The following PCDHGA8 variants were observed in gnomAD, a reference collection of about 807,000 sequenced individuals.
PCDHGA8 encodes protocadherin gamma subfamily A, 8.
In PCDHGA8, 45 loss-of-function variants were observed where a neutral mutation model predicts 59.2. That is an observed-to-expected ratio of 0.76 (90% confidence interval 0.60 to 0.98). The LOEUF (loss-of-function observed/expected upper bound fraction) is 0.98. Among genes scored for constraint, PCDHGA8 ranks in the 50% least tolerant of loss-of-function variants. The pLI, the probability that PCDHGA8 is intolerant of heterozygous loss-of-function variation, is 0.00. For missense variants in PCDHGA8, 1,257 were observed against 1,196.2 expected (o/e 1.05, Z -0.75); for synonymous variants, 531 against 519.0 (o/e 1.02, Z -0.32).
chr5:141,499,322 T>C (rs1186220818), intron 2 of PCDHGA8, among the ~76,000 whole-genome samples: 1 of 152,218 alleles, frequency 6.6e-6, no homozygotes, highest in Non-Finnish European at 1.5e-5. Context: ...ACAGTATCCC[T>C]GCTCTCTCTC....
chr5:141,403,377 T>G lies in PCDHGA8; in HGVS notation c.2424+8140T>G. 6.2e-7 allele frequency: 1 copy of G among 1,614,016 alleles called. No homozygotes were observed. The highest frequency in any genetic ancestry group is 8.5e-7 in the Non-Finnish European group (1 of 1,179,900). On this transcript the variant is annotated intron_variant, in intron 1 of 3. Transcript: ENST00000398604. ...CAGGCCGAAAGTCTGGAAGTAAAAA[T>G]TAACGAAATCGCGGTTCCTGGAGCA... is the stretch of plus-strand genomic sequence containing the variant.
At chr5:141,429,929 T>A (rs2097253197) in intron 1 of PCDHGA8, among the ~76,000 whole-genome samples, 1 of 152,240 alleles carries the variant, frequency 6.6e-6, no homozygotes, top group African/African-American at 2.4e-5. Flanking sequence ...AATAGAATTC[T>A]GGAGTACTTC....
Position 141,432,433 on chromosome 5 carries a change from T to C in PCDHGA8, c.2424+37196T>C, listed in dbSNP as rs760107558. 10 of 1,613,996 alleles carry C rather than the reference T, an allele frequency of 6.2e-6. No individual in the cohort carries two copies. The South Asian group carries it at 8.8e-5, about 14-fold the overall frequency. ...TGTTCGTGCTGGACCAGAACGACAA[T>C]GCGCCCGAGATCCTGTACCCCGCCC... On this transcript the variant is annotated intron_variant, in intron 1 of 3. Transcript: ENST00000398604. This position sits in a 1 kb window ranked among gnomAD's most constrained non-coding sequence, Gnocchi z 6.0.
chr5:141,453,144 C>T lies in PCDHGA8; in HGVS notation c.2425-41663C>T, dbSNP rs530175947. ...TTGTTTTGTTTTTGAGATAGGGTCT[C>T]GCTATGTCACCCAGGCTGGAGTCCA... On this transcript the variant is annotated intron_variant, in intron 1 of 3. Transcript: ENST00000398604. Among the ~76,000 whole-genome samples, 290 of 152,062 alleles carry T rather than the reference C, an allele frequency of 1.9e-3. 1 individual carries two copies. The highest frequency in any genetic ancestry group is 6.3e-3 in the African/African-American group (260 of 41,478).
At position 141,487,710 on chromosome 5, in the gene PCDHGA8, G is replaced by A. The variant is rs199722860; in HGVS notation, c.2425-7097G>A. ...CTAGAGAGTACTGGCCTCTCAGTAA[G>A]TGCCCATAGTGATGTCACCATTTTT... On this transcript the variant is annotated intron_variant, in intron 1 of 3. Transcript: ENST00000398604. The surrounding 1 kb of genome is among the most constrained non-coding windows in gnomAD (Gnocchi z 5.0). 3.8e-4 allele frequency: 596 copies of A among 1,586,168 alleles called. No individual in the cohort carries two copies. The highest frequency in any genetic ancestry group is 4.5e-4 in the Non-Finnish European group (529 of 1,164,386).
intron 1 of PCDHGA8, among the ~76,000 whole-genome samples, chr5:141,456,843 A>G (rs2098891742): frequency 6.6e-6 from 1 of 152,030 alleles, no homozygotes. Context: ...GGCGCCTGTA[A>G]TCCCAGCTAA....
intron 1 of PCDHGA8, chr5:141,415,589 T>C: frequency 1.2e-6 from 2 of 1,614,062 alleles, no homozygotes; most frequent in Non-Finnish European, 1.7e-6. Flanking sequence ...AAGTTTCCTA[T>C]AGAGGATACC....
At chr5:141,438,875 A>G (rs2098071820) in intron 1 of PCDHGA8, among the ~76,000 whole-genome samples, 1 of 151,738 alleles carries the variant, frequency 6.6e-6, no homozygotes. Flanking sequence ...CAAGTTGGCC[A>G]GGCTGCTCTT....
intron 1 of PCDHGA8, chr5:141,419,373 TGTCC>T (rs761256298): frequency 6.2e-7 from 1 of 1,613,754 alleles, no homozygotes; most frequent in South Asian, 1.1e-5. Context: ...TCGTCCTACG[TGTCC>T]GTGAGCGCGC....
chr5:141,472,980 C>CAAAAAAAAAAAAAAAAAAAA (rs60579131), intron 1 of PCDHGA8, among the ~76,000 whole-genome samples: 7 of 86,088 alleles, frequency 8.1e-5, no homozygotes, highest in South Asian at 4.3e-4. Flanking sequence ...GAGTGAAACT[C>CAAAAAAAAAAAAAAAAAAAA]AAAAAAAAAA....
In PCDHGA8 at chr5:141,491,283, C is replaced by G; in HGVS notation, c.2425-3524C>G. ...AAATGCCCAAATCCAGTGACTTCCT[C>G]ATACACCCTCCTGAGCGTTCAGACC... On this transcript the variant is annotated intron_variant, in intron 1 of 3. Coordinates refer to ENST00000398604, the MANE Select transcript of PCDHGA8 (RefSeq NM_032088.2). The surrounding 1 kb of genome is among the most constrained non-coding windows in gnomAD (Gnocchi z 6.9). The G allele has an allele frequency of 1.2e-6, 2 of 1,614,164 alleles. No homozygotes were observed.
chr5:141,467,672 AT>A (rs1199631144), intron 1 of PCDHGA8, among the ~76,000 whole-genome samples: 1 of 151,634 alleles, frequency 6.6e-6, no homozygotes, highest in Non-Finnish European at 1.5e-5. Context: ...GAAGATTTTT[AT>A]TTTTTTTAGA....
chr5:141,414,624 G>C, intron 1 of PCDHGA8: 1 of 1,613,932 alleles, frequency 6.2e-7, no homozygotes, highest in Non-Finnish European at 8.5e-7. Context: ...CGCTGGACCC[G>C]GACAGCAAAG....
intron 1 of PCDHGA8, chr5:141,423,228 C>T (rs1321708353): frequency 6.2e-7 from 1 of 1,613,748 alleles, no homozygotes; most frequent in Non-Finnish European, 8.5e-7. Flanking sequence ...CTGTGGCCGA[C>T]AGCATCCCCG....
rs745435492 is a variant in PCDHGA8, at chr5:141,489,215, A to G, written c.2425-5592A>G. The G allele has an allele frequency of 4.1e-6, 6 of 1,475,362 alleles. No homozygotes were observed. Among genetic ancestry groups the G allele is most frequent in the Non-Finnish European group, 5.5e-6 (6 of 1,093,140 alleles). 91.4% of individuals were successfully genotyped at this position (1,475,362 alleles called of 1,614,324 possible). A position where few individuals can be genotyped will look rare whatever the true frequency, so the allele number is the denominator to read the frequency against. ...CTTGGAGACAGGACAGCACAGACTT[A>G]CTCTCCACAAAGGGACTTCTGGGTC... On this transcript the variant is annotated intron_variant, in intron 1 of 3. Coordinates refer to ENST00000398604, the MANE Select transcript of PCDHGA8 (RefSeq NM_032088.2). The surrounding 1 kb of genome is among the most constrained non-coding windows in gnomAD (Gnocchi z 4.5).
intron 1 of PCDHGA8, among the ~76,000 whole-genome samples, chr5:141,450,826 A>T (rs965147554): frequency 1.9e-4 from 26 of 134,356 alleles, no homozygotes; most frequent in East Asian, 6.4e-4. Context: ...TATTATTATT[A>T]TTATTTTTTT....
intron 1 of PCDHGA8, among the ~76,000 whole-genome samples, chr5:141,484,675 T>C (rs1179759392): frequency 6.6e-6 from 1 of 152,042 alleles, no homozygotes; most frequent in African/African-American, 2.4e-5. Context: ...GGGCCGCAGG[T>C]TGCTAGGGCT....
At position 141,490,954 on chromosome 5, in the gene PCDHGA8, G is replaced by A. The variant is rs749646808; in HGVS notation, c.2425-3853G>A. On this transcript the variant is annotated intron_variant, in intron 1 of 3. Coordinates refer to ENST00000398604, the MANE Select transcript of PCDHGA8 (RefSeq NM_032088.2). This position sits in a 1 kb window ranked among gnomAD's most constrained non-coding sequence, Gnocchi z 5.4. ...TGTGCTGCACCCACGGCCAGACTGGGAACACTCAGCCCCCCAGCGTCTCCC... is the reference window on the plus strand; with the variant it reads ...TGTGCTGCACCCACGGCCAGACTGGAAACACTCAGCCCCCCAGCGTCTCCC... 9 of 1,613,662 alleles carry A rather than the reference G, an allele frequency of 5.6e-6. No individual in the cohort carries two copies. The African/African-American group carries it at 8.0e-5, about 14-fold the overall frequency.
chr5:141,393,700 A>T lies in PCDHGA8; in HGVS notation c.887A>T (p.Glu296Val). ...CAAACTCCGTTATTCCAGCTTAATG[A>T]AAATACTGGGGAAATATCAATAGCA... ...EKQTPLFQLN[E>V]NTGEISIAKS... Residue 296 changes from glutamate to valine, a missense_variant, in exon 1 of 4, where the codon GAA becomes GTA. Transcript: ENST00000398604. 1 of 1,613,934 alleles carries T rather than the reference A, an allele frequency of 6.2e-7. No individual in the cohort carries two copies. The highest frequency in any genetic ancestry group is 8.5e-7 in the Non-Finnish European group (1 of 1,179,902).
Sources: gnomAD v4.1 joint callset for allele counts (sites outside exome capture counted in the v4.1 genomes callset) on GRCh38, gnomAD v4.1.1 for gene constraint, Gnocchi (gnomAD v3.1) non-coding constraint, MANE v1.5 for transcripts, NCBI Gene and HGNC (gene_info 2026-07-23, HGNC 2026-07-21) for gene names.